Variants in OSBPL1A observed in about 807,000 individuals in gnomAD.
OSBPL1A encodes oxysterol binding protein like 1A.
In OSBPL1A, 80 loss-of-function variants were observed where a neutral mutation model predicts 137.1. The observed-to-expected ratio is 0.58, with a 90% CI of 0.49 to 0.70. The LOEUF (loss-of-function observed/expected upper bound fraction) is 0.70. Ranked by LOEUF, OSBPL1A falls within the 30% of genes least tolerant of loss-of-function variation. OSBPL1A has a pLI of 0.00. For missense variants in OSBPL1A, 970 were observed against 1,129.4 expected (o/e 0.86, Z 2.02); for synonymous variants, 365 against 389.7 (o/e 0.94, Z 0.75).
intron 4 of OSBPL1A, among the ~76,000 whole-genome samples, chr18:24,344,454 AAAAAT>A (rs534563770): frequency 1.2e-4 from 19 of 152,346 alleles, no homozygotes; most frequent in African/African-American, 4.3e-4. Context: ...TTCTGTCTCA[AAAAAT>A]AAAATAAAAT....
chr18:24,231,186 G>A (rs914334095), intron 16 of OSBPL1A, among the ~76,000 whole-genome samples: 1 of 152,174 alleles, frequency 6.6e-6, no homozygotes, highest in African/African-American at 2.4e-5. Context: ...ATCTTTACCT[G>A]ATTAGTTCCT....
At chr18:24,379,694 T>C (rs1239858506) in intron 1 of OSBPL1A, among the ~76,000 whole-genome samples, 38 of 150,600 alleles carry the variant, frequency 2.5e-4, no homozygotes, top group Non-Finnish European at 4.4e-5. Flanking sequence ...TGAAACCTCA[T>C]CTCTACTAAA....
chr18:24,245,814 A>G (rs1001973558), intron 15 of OSBPL1A, among the ~76,000 whole-genome samples: 2 of 152,160 alleles, frequency 1.3e-5, no homozygotes, highest in African/African-American at 4.8e-5. Context: ...TCCTCCTTCC[A>G]TCTCATCTCA....
chr18:24,169,336 G>A (rs2086216714), intron 24 of OSBPL1A, among the ~76,000 whole-genome samples: 1 of 152,156 alleles, frequency 6.6e-6, no homozygotes, highest in Non-Finnish European at 1.5e-5. Context: ...ACATGCATAA[G>A]AAACGCTAAA....
rs1247404508 is a variant in OSBPL1A, at chr18:24,162,900, C to T, written c.*279G>A. ...AAACCTTCAGTAAATATGGCAACAGCAACCATAAAAAGCATATTCCCCAGC... is the reference window on the plus strand; with the variant it reads ...AAACCTTCAGTAAATATGGCAACAGTAACCATAAAAAGCATATTCCCCAGC... On this transcript the variant is annotated 3_prime_UTR_variant, in exon 28 of 28. Transcript: ENST00000319481. The T allele has an allele frequency of 4.4e-5, 10 of 227,410 alleles. 1 individual carries two copies. The highest frequency in any genetic ancestry group is 7.7e-5 in the Non-Finnish European group (9 of 116,360). The allele number at this position is 227,410 out of a possible 1,614,324, so 14.1% of individuals were successfully genotyped here. A position where few individuals can be genotyped will look rare whatever the true frequency, so the allele number is the denominator to read the frequency against.
At chr18:24,303,969 C>A (rs572259244) in intron 13 of OSBPL1A, among the ~76,000 whole-genome samples, 157 of 152,032 alleles carry the variant, frequency 1.0e-3, no homozygotes, top group South Asian at 4.2e-3. Flanking sequence ...AGATACCATA[C>A]AATTGCATCC....
At chr18:24,222,633 G>A (rs182159569) in intron 17 of OSBPL1A, among the ~76,000 whole-genome samples, 2 of 152,182 alleles carry the variant, frequency 1.3e-5, no homozygotes, top group Admixed American at 6.5e-5. Flanking sequence ...AAGGTGGTGA[G>A]ATTTTAACAG....
chr18:24,163,625 AT>A lies in OSBPL1A; in HGVS notation c.2751-345del, dbSNP rs55863834. On this transcript the variant is annotated intron_variant, in intron 27 of 27. Coordinates refer to ENST00000319481, the MANE Select transcript of OSBPL1A (RefSeq NM_080597.4). The stretch of plus-strand genomic sequence containing the variant: ...GCCTGGGTCTTATTTTCCACAAGGC[AT>A]TTTTTTAAGTAGTTGGGAATAAATT... 9.9e-5 allele frequency among the ~76,000 whole-genome samples: 15 copies of A among 152,176 alleles called. No individual in the cohort carries two copies. In the East Asian group the frequency reaches 2.5e-3, roughly 25 times the overall value.
chr18:24,203,226 C>T (rs985822963), intron 17 of OSBPL1A, among the ~76,000 whole-genome samples: 10 of 152,182 alleles, frequency 6.6e-5, no homozygotes, highest in South Asian at 2.1e-4. Flanking sequence ...ATCCACCCTC[C>T]GTGGCCTCCC....
At chr18:24,328,504 A>G (rs1425004382) in intron 7 of OSBPL1A, among the ~76,000 whole-genome samples, 1 of 152,126 alleles carries the variant, frequency 6.6e-6, no homozygotes, top group East Asian at 1.9e-4. Flanking sequence ...ATGAACCTGT[A>G]TCTGTCTTAG....
At chr18:24,169,625 A>G (rs1269111025) in intron 24 of OSBPL1A, among the ~76,000 whole-genome samples, 1 of 152,204 alleles carries the variant, frequency 6.6e-6, no homozygotes, top group Non-Finnish European at 1.5e-5. Flanking sequence ...CGGTGGGGCT[A>G]AGATTCTAAC....
At chr18:24,362,920 T>C (rs1237767865) in intron 4 of OSBPL1A, among the ~76,000 whole-genome samples, 1 of 152,224 alleles carries the variant, frequency 6.6e-6, no homozygotes, top group Non-Finnish European at 1.5e-5. Context: ...TGGGAGTCTT[T>C]AGCTTTCTAG....
chr18:24,232,784 A>T (rs2088322624), intron 16 of OSBPL1A, among the ~76,000 whole-genome samples: 1 of 151,814 alleles, frequency 6.6e-6, no homozygotes, highest in Non-Finnish European at 1.5e-5. Flanking sequence ...ACCACACATC[A>T]GGTAAAGTGC....
At chr18:24,205,947 G>C (rs148321635) in intron 17 of OSBPL1A, among the ~76,000 whole-genome samples, 126 of 152,310 alleles carry the variant, frequency 8.3e-4, no homozygotes, top group African/African-American at 2.8e-3. Flanking sequence ...CTGGAGTGTA[G>C]TGGTGTGATC....
At chr18:24,275,752 G>T (rs1421551452) in intron 15 of OSBPL1A, among the ~76,000 whole-genome samples, 34 of 149,042 alleles carry the variant, frequency 2.3e-4, no homozygotes, top group African/African-American at 7.2e-4. Flanking sequence ...TTCTTGAGAC[G>T]GAGTCTCACT....
chr18:24,269,851 A>AACACACACACACAC (rs147895357), intron 15 of OSBPL1A, among the ~76,000 whole-genome samples: 14,738 of 139,818 alleles, frequency 0.11, 1,018 homozygotes, highest in African/African-American at 0.17. Flanking sequence ...TGACAAGCCT[A>AACACACACACACAC]ACACACACAC....
intron 14 of OSBPL1A, among the ~76,000 whole-genome samples, chr18:24,283,556 T>C (rs574022563): frequency 7.2e-5 from 11 of 152,040 alleles, no homozygotes; most frequent in Non-Finnish European, 1.6e-4. Flanking sequence ...AGTTGCTAAA[T>C]AGCAAAAGAG....
At chr18:24,336,748 A>C (rs1362644788) in intron 5 of OSBPL1A, among the ~76,000 whole-genome samples, 2 of 152,228 alleles carry the variant, frequency 1.3e-5, no homozygotes, top group African/African-American at 4.8e-5. Context: ...GCTTACATAC[A>C]TGCAGAGAAT....
chr18:24,214,439 GCTGTCTTATTA>G (rs2087633864), intron 17 of OSBPL1A, among the ~76,000 whole-genome samples: 1 of 152,160 alleles, frequency 6.6e-6, no homozygotes, highest in Admixed American at 6.5e-5. Flanking sequence ...AGGATCCAAA[GCTGTCTTATTA>G]CTGGTAATTT....
Sources: gnomAD v4.1 joint callset for allele counts (sites outside exome capture counted in the v4.1 genomes callset) on GRCh38, gnomAD v4.1.1 for gene constraint, MANE v1.5 for transcripts, NCBI Gene and HGNC (gene_info 2026-07-23, HGNC 2026-07-21) for gene names.